MTMR3: variants seen among roughly 807,000 people sequenced by gnomAD.
MTMR3 encodes myotubularin related protein 3, also known as phosphatidylinositol-3,5-bisphosphate 3-phosphatase MTMR3.
MTMR3 carries 32 observed loss-of-function variants against 132.4 expected under a neutral mutation model. That is an observed-to-expected ratio of 0.24 (90% CI 0.18 to 0.32). The LOEUF is 0.32. Ranked by LOEUF, MTMR3 falls within the 10% of genes least tolerant of loss-of-function variation. The pLI is 1.00. For synonymous variants in MTMR3, 556 were observed against 550.3 expected (o/e 1.01, Z -0.14); for missense variants, 1,216 against 1,489.6 (o/e 0.82, Z 3.02).
At chr22:29,911,736 A>G (rs2065217655) in intron 1 of MTMR3, among the ~76,000 whole-genome samples, 2 of 152,162 alleles carry the variant, frequency 1.3e-5, no homozygotes, top group South Asian at 2.1e-4. Flanking sequence ...CAGTTTATAT[A>G]TGAGATAATA....
Position 29,921,242 on chromosome 22 carries a change from G to A in MTMR3, c.-137-35794G>A, listed in dbSNP as rs576168773. On this transcript the variant is annotated intron_variant, in intron 1 of 19. Transcript: ENST00000401950. ...GGGGAACAGGCGTGTCATGTGGCGA[G>A]GGGCAGCAAAAGAGAGAGGAGAAGG... Among the ~76,000 whole-genome samples, 27 of 152,250 alleles carry A rather than the reference G, an allele frequency of 1.8e-4. No homozygotes were observed. The South Asian group carries it at 4.8e-3, about 27-fold the overall frequency.
chr22:30,017,435 C>T, intron 15 of MTMR3: 1 of 159,788 alleles, frequency 6.3e-6, no homozygotes, highest in Non-Finnish European at 1.4e-5. Flanking sequence ...CTCTCCCCTT[C>T]AGTGTGCCTT....
chr22:29,905,334 CAT>C (rs940153889), intron 1 of MTMR3, among the ~76,000 whole-genome samples: 21 of 152,316 alleles, frequency 1.4e-4, no homozygotes, highest in Admixed American at 1.1e-3. Context: ...GAAATCCGCA[CAT>C]GAGTGGACCT....
chr22:29,906,242 ATCCGTCTGTCTG>A (rs1446399420), intron 1 of MTMR3, among the ~76,000 whole-genome samples: 64 of 125,040 alleles, frequency 5.1e-4, no homozygotes, highest in African/African-American at 1.8e-3. Flanking sequence ...TTATCCATCC[ATCCGTCTGTCTG>A]TCTGTCTGTC....
At chr22:30,012,111 A>G in intron 12 of MTMR3, 2 of 357,400 alleles carry the variant, frequency 5.6e-6, no homozygotes. Flanking sequence ...TGCCCGGGGA[A>G]TCATCCATAC....
At chr22:29,982,333 A>AG (rs1190235234) in intron 5 of MTMR3, 1 of 151,562 alleles carries the variant, frequency 6.6e-6, no homozygotes, top group East Asian at 1.9e-4. Flanking sequence ...TGAAACCTGG[A>AG]GGTACTTAGG....
chr22:30,008,118 T>A, intron 11 of MTMR3, 86 bp downstream of exon 11: 3 of 1,541,564 alleles, frequency 1.9e-6, no homozygotes, highest in Admixed American at 1.8e-5. Flanking sequence ...CAATTTGAAA[T>A]AAGTGGCAAG....
intron 19 of MTMR3, chr22:30,024,638 A>T (rs894417948): frequency 2.6e-5 from 4 of 152,234 alleles, no homozygotes; most frequent in Admixed American, 6.5e-5. Flanking sequence ...ATGAAAAGTT[A>T]GAAGGCTAAG....
At chr22:29,904,985 A>G (rs2145733440) in intron 1 of MTMR3, among the ~76,000 whole-genome samples, 1 of 152,288 alleles carries the variant, frequency 6.6e-6, no homozygotes, top group Admixed American at 6.5e-5. Context: ...GGAAATTTAC[A>G]TTTCTACCAA....
At chr22:30,017,477 CCTT>C (rs1213742817) in intron 15 of MTMR3, 1 of 161,238 alleles carries the variant, frequency 6.2e-6, no homozygotes, top group Non-Finnish European at 1.3e-5. Flanking sequence ...AGGAAAATTT[CCTT>C]CTTTTCACAT....
rs1286515134 is a variant in MTMR3, at chr22:30,022,126, A to C, written c.3323A>C (p.Lys1108Thr). 9.9e-6 allele frequency: 16 copies of C among 1,613,190 alleles called. No individual in the cohort carries two copies. The highest frequency in any genetic ancestry group is 1.4e-5 in the Non-Finnish European group (16 of 1,179,136). ...FSEASWEQVD[K>T]QDTEMTRWLP... is the part of the protein sequence containing the mutation. ...GAAGCCAGCTGGGAGCAGGTGGATAAACAGGACACAGAGGTACAGGCTCAG... is the reference window on the plus strand; with the variant it reads ...GAAGCCAGCTGGGAGCAGGTGGATACACAGGACACAGAGGTACAGGCTCAG... Residue 1108 changes from lysine (K) to threonine (T), a missense_variant, in exon 18 of 20, where the codon AAA (lysine) becomes ACA (threonine). Lys to Thr is a moderately conservative substitution (Grantham distance 78). This residue lies in a region of MTMR3 where 852 missense variants were observed against 852.0 expected (regional missense o/e 1.00). Transcript: ENST00000401950.
intron 1 of MTMR3, among the ~76,000 whole-genome samples, chr22:29,900,646 G>A (rs1345088398): frequency 2.2e-4 from 33 of 152,154 alleles, no homozygotes; most frequent in Admixed American, 2.2e-3. Context: ...CAATTTTACT[G>A]ATGAGACAAT....
At chr22:30,016,350 G>A in intron 14 of MTMR3, 178 bp from the exon 15 acceptor site, 1 of 612,440 alleles carries the variant, frequency 1.6e-6, no homozygotes, top group Non-Finnish European at 2.8e-6. Flanking sequence ...AGGTTGTTGG[G>A]TCCTGGAATT....
At chr22:29,978,705 G>A (rs1386519696) in intron 4 of MTMR3, among the ~76,000 whole-genome samples, 174 bp downstream of exon 4, 1 of 152,162 alleles carries the variant, frequency 6.6e-6, no homozygotes. Context: ...AGAATCCACT[G>A]TTTAAGATGA....
chr22:30,013,663 C>T, intron 14 of MTMR3, 122 bp downstream of exon 14: 1 of 954,160 alleles, frequency 1.0e-6, no homozygotes, highest in Non-Finnish European at 1.5e-6. Flanking sequence ...GATTTTTTTC[C>T]TGTTTCTGCT....
At chr22:29,889,907 C>CTTTTTT (rs11399020) in intron 1 of MTMR3, among the ~76,000 whole-genome samples, 3 of 124,912 alleles carry the variant, frequency 2.4e-5, no homozygotes, top group African/African-American at 6.1e-5. Flanking sequence ...AGGATAAATT[C>CTTTTTT]TTTTTTTTTT....
chr22:30,000,467 TAAA>T (rs910159957), intron 8 of MTMR3: 53 of 136,718 alleles, frequency 3.9e-4, no homozygotes, highest in African/African-American at 1.6e-3. Flanking sequence ...TCTTAAAAAA[TAAA>T]AAAAATAAAA....
intron 3 of MTMR3, among the ~76,000 whole-genome samples, chr22:29,977,029 A>G (rs1306939092): frequency 1.3e-5 from 2 of 152,120 alleles, no homozygotes; most frequent in African/African-American, 4.8e-5. Flanking sequence ...GGTGGCTCAC[A>G]CCTGTAATCC....
chr22:29,890,042 G>A (rs1436862789), intron 1 of MTMR3, among the ~76,000 whole-genome samples: 2 of 151,742 alleles, frequency 1.3e-5, no homozygotes, highest in African/African-American at 2.4e-5. Flanking sequence ...GAGTAGCTGG[G>A]CGTACAGGCG....
Sources: gnomAD v4.1 joint callset for allele counts (sites outside exome capture counted in the v4.1 genomes callset) on GRCh38, gnomAD v4.1.1 for gene constraint, gnomAD v4.1.1 regional missense constraint, MANE v1.5 for transcripts, NCBI Gene and HGNC (gene_info 2026-07-23, HGNC 2026-07-21) for gene names.